The following PDE3A variants were observed in gnomAD, a reference collection of about 807,000 sequenced individuals.
PDE3A encodes the protein cGMP-inhibited 3',5'-cyclic phosphodiesterase 3A.
In PDE3A, 43 loss-of-function variants were observed where a neutral mutation model predicts 98.3. The ratio of observed to expected loss-of-function variants is 0.44; its 90% CI spans 0.34 to 0.56. The LOEUF (loss-of-function observed/expected upper bound fraction) is 0.56. PDE3A is among the 20% of genes least tolerant of loss of function. The pLI, the probability that PDE3A is intolerant of heterozygous loss-of-function variation, is 0.01. For synonymous variants in PDE3A, 663 were observed against 567.9 expected (o/e 1.17, Z -2.38); for missense variants, 1,427 against 1,440.7 (o/e 0.99, Z 0.15).
chr12:20,566,170 C>G (rs1046644160), intron 2 of PDE3A, among the ~76,000 whole-genome samples: 1 of 151,900 alleles, frequency 6.6e-6, no homozygotes, highest in Non-Finnish European at 1.5e-5. Flanking sequence ...ATTTGATTTT[C>G]TAGATCACAG....
chr12:20,504,387 A>T (rs1946078016), intron 1 of PDE3A, among the ~76,000 whole-genome samples: 1 of 152,048 alleles, frequency 6.6e-6, no homozygotes, highest in South Asian at 2.1e-4. Context: ...ATAAATTTTA[A>T]AATATCTCTA....
At position 20,518,818 on chromosome 12, in the gene PDE3A, T is replaced by C. The variant is rs572216680; in HGVS notation, c.961-37842T>C. On this transcript the variant is annotated intron_variant, in intron 1 of 15. Coordinates refer to ENST00000359062, the MANE Select transcript of PDE3A (RefSeq NM_000921.5). Reference sequence around the variant, plus strand: ...TAATTCTCCAGACGCAACACTTAGATAGGACTTTCTGTACTGATGGATTTT... The same window carrying C: ...TAATTCTCCAGACGCAACACTTAGACAGGACTTTCTGTACTGATGGATTTT... Among the ~76,000 whole-genome samples, 195 of 152,336 alleles carry C rather than the reference T, an allele frequency of 1.3e-3. 1 individual carries two copies. Among genetic ancestry groups the C allele is most frequent in the African/African-American group, 4.5e-3 (186 of 41,588 alleles).
chr12:20,646,693 G>C, intron 11 of PDE3A, 58 bp from the exon 12 acceptor site: 2 of 1,422,858 alleles, frequency 1.4e-6, no homozygotes, highest in Non-Finnish European at 2.0e-6. Context: ...AAGAAGTCAA[G>C]ACAAATAATG....
intron 10 of PDE3A, among the ~76,000 whole-genome samples, chr12:20,644,753 T>A (rs1944731998): frequency 6.6e-6 from 1 of 152,038 alleles, no homozygotes; most frequent in Admixed American, 6.6e-5. Flanking sequence ...TACTCATATT[T>A]ACGATTGACA....
intron 1 of PDE3A, among the ~76,000 whole-genome samples, chr12:20,520,742 A>C (rs893071442): frequency 6.6e-6 from 1 of 152,154 alleles, no homozygotes; most frequent in African/African-American, 2.4e-5. Context: ...ACCCACCATC[A>C]GCTGTCAGCC....
intron 8 of PDE3A, 23 bp from the exon 9 acceptor site, chr12:20,637,077 T>G: frequency 6.5e-7 from 1 of 1,530,236 alleles, no homozygotes; most frequent in Non-Finnish European, 8.8e-7. Flanking sequence ...GCTGTTTAAG[T>G]ATTTTAATGT....
chr12:20,386,844 G>C (rs1045498866), intron 1 of PDE3A, among the ~76,000 whole-genome samples: 1 of 152,010 alleles, frequency 6.6e-6, no homozygotes, highest in Non-Finnish European at 1.5e-5. Flanking sequence ...TGAAATCTTT[G>C]CCCATGCCTA....
chr12:20,506,290 A>C (rs1342456837), intron 1 of PDE3A, among the ~76,000 whole-genome samples: 1 of 152,070 alleles, frequency 6.6e-6, no homozygotes, highest in African/African-American at 2.4e-5. Flanking sequence ...TATACTATAC[A>C]TTTAAAAAAC....
rs7304868 is a variant in PDE3A, at chr12:20,637,424, G to A, written c.2139+187G>A. ...GAAACTGGAACTTCAAGTGAGTCGA[G>A]TGTCATATTCTACAATTAAAATATG... is the stretch of plus-strand genomic sequence containing the variant. On this transcript the variant is annotated intron_variant, in intron 9 of 15. Transcript: ENST00000359062. 0.7 allele frequency among the ~76,000 whole-genome samples: 106,545 copies of A among 151,866 alleles called. 37,584 individuals are homozygous for A. The highest frequency in any genetic ancestry group is 0.9 in the East Asian group (4,657 of 5,180).
chr12:20,416,864 C>T (rs5014039), intron 1 of PDE3A, among the ~76,000 whole-genome samples: 93,839 of 151,822 alleles, frequency 0.62, 30,731 homozygotes, highest in East Asian at 0.88. Context: ...GGAACAGATA[C>T]TTTGTATAGC....
intron 1 of PDE3A, among the ~76,000 whole-genome samples, chr12:20,488,209 A>C (rs1363425277): frequency 6.6e-6 from 1 of 152,050 alleles, no homozygotes; most frequent in Non-Finnish European, 1.5e-5. Context: ...GTACTCTACC[A>C]ACATCCCCAC....
intron 1 of PDE3A, among the ~76,000 whole-genome samples, chr12:20,398,835 C>T (rs1944068819): frequency 6.6e-6 from 1 of 152,058 alleles, no homozygotes; most frequent in Admixed American, 6.6e-5. Flanking sequence ...ATAAAATTTA[C>T]CATGTTAACC....
intron 1 of PDE3A, among the ~76,000 whole-genome samples, chr12:20,416,596 A>C (rs1944425535): frequency 6.6e-6 from 1 of 152,216 alleles, no homozygotes; most frequent in Non-Finnish European, 1.5e-5. Context: ...CACACGTGCT[A>C]TATAAAACAT....
At chr12:20,611,361 A>C (rs1943848481) in intron 2 of PDE3A, among the ~76,000 whole-genome samples, 1 of 151,860 alleles carries the variant, frequency 6.6e-6, no homozygotes, top group African/African-American at 2.4e-5. Context: ...ACTAGTATTA[A>C]ATTATGCATT....
At chr12:20,646,675 CA>C in intron 11 of PDE3A, 72 bp downstream of exon 11, 1 of 1,422,636 alleles carries the variant, frequency 7.0e-7, no homozygotes. Flanking sequence ...TGTTTTTTTT[CA>C]AAAAGAAAGA....
chr12:20,591,480 A>G (rs996536031), intron 2 of PDE3A, among the ~76,000 whole-genome samples: 12 of 152,386 alleles, frequency 7.9e-5, no homozygotes, highest in African/African-American at 2.6e-4. Flanking sequence ...GGCTTGTTCC[A>G]GAATACAATT....
At chr12:20,487,445 C>G (rs984914133) in intron 1 of PDE3A, among the ~76,000 whole-genome samples, 1 of 132,338 alleles carries the variant, frequency 7.6e-6, no homozygotes, top group Non-Finnish European at 1.5e-5. Flanking sequence ...AGGCAGATCA[C>G]TTGAGGTCAA....
chr12:20,385,583 T>C (rs1217349560), intron 1 of PDE3A, among the ~76,000 whole-genome samples: 1 of 151,758 alleles, frequency 6.6e-6, no homozygotes, highest in Admixed American at 6.6e-5. Flanking sequence ...ATGTGGCATA[T>C]ATACACCATG....
intron 1 of PDE3A, among the ~76,000 whole-genome samples, chr12:20,396,758 T>A (rs1944026888): frequency 6.6e-6 from 1 of 152,142 alleles, no homozygotes; most frequent in Non-Finnish European, 1.5e-5. Context: ...TAATGCCCGT[T>A]ACCTAAGGGT....
Sources: allele counts gnomAD v4.1 joint callset (sites outside exome capture counted in the v4.1 genomes callset), GRCh38; gene constraint gnomAD v4.1.1; transcripts MANE v1.5; gene names NCBI Gene and HGNC (gene_info 2026-07-23, HGNC 2026-07-21).